AGPAT4: variants seen among roughly 807,000 people sequenced by gnomAD.
AGPAT4 encodes 1-acylglycerol-3-phosphate O-acyltransferase 4.
A neutral mutation model predicts 48.0 loss-of-function variants in AGPAT4; 15 were observed. The observed-to-expected ratio is 0.31, with a 90% CI of 0.21 to 0.48. AGPAT4 has a LOEUF of 0.48. Ranked by LOEUF, AGPAT4 falls within the 20% of genes least tolerant of loss-of-function variation. AGPAT4 has a pLI of 0.99. For synonymous variants in AGPAT4, 178 were observed against 198.7 expected, an observed-to-expected ratio of 0.90 and a Z score of 0.88; for missense variants, 314 against 482.5, an observed-to-expected ratio of 0.65 and a Z score of 3.27.
intron 2 of AGPAT4, among the ~76,000 whole-genome samples, chr6:161,187,784 T>C (rs1321427271): frequency 6.6e-6 from 1 of 152,198 alleles, no homozygotes; most frequent in African/African-American, 2.4e-5. Context: ...TCTCAAGTGA[T>C]CTGCCCAACT....
intron 3 of AGPAT4, chr6:161,160,407 T>C (rs527697521): frequency 1.6e-4 from 25 of 154,498 alleles, no homozygotes; most frequent in Non-Finnish European, 3.0e-4. Context: ...TGTTCCACAA[T>C]TAGTCACAGC....
rs1782585651 is a variant in AGPAT4 at position 161,244,245 on chromosome 6, C to A, written c.-89-11943G>T. ...ACAGGTAGGTCACAGTGCCGTCTGC[C>A]TCCCGCAAAGAAGCAGGAAGTCTTC... On this transcript the variant is annotated intron_variant, in intron 1 of 8. Transcript: ENST00000320285. The surrounding 1 kb of genome is among the most constrained non-coding windows in gnomAD (Gnocchi z 4.7). Among the ~76,000 whole-genome samples, 1 of 152,160 alleles carries A rather than the reference C, an allele frequency of 6.6e-6. No homozygotes were observed. The highest frequency in any genetic ancestry group is 3.2e-3 in the Middle Eastern group (1 of 316).
At position 161,262,760 on chromosome 6, in the gene AGPAT4, T is replaced by A. The variant is rs1440947965; in HGVS notation, c.-90+11178A>T. ...TTGGGTAGCTTCTTGGGACTTGAAC[T>A]GGTACATTTCACACGCCTCTTTTGT... On this transcript the variant is annotated intron_variant, in intron 1 of 8. Transcript: ENST00000320285. This position sits in a 1 kb window ranked among gnomAD's most constrained non-coding sequence, Gnocchi z 4.9. Among the ~76,000 whole-genome samples, 1 of 152,182 alleles carries A rather than the reference T, an allele frequency of 6.6e-6. No homozygotes were observed. The highest frequency in any genetic ancestry group is 1.5e-5 in the Non-Finnish European group (1 of 68,030).
intron 2 of AGPAT4, among the ~76,000 whole-genome samples, chr6:161,199,758 G>A (rs903850302): frequency 2.0e-5 from 3 of 152,260 alleles, no homozygotes; most frequent in Admixed American, 6.5e-5. Flanking sequence ...CTCCGGCCAC[G>A]TAAAGATGTG....
intron 2 of AGPAT4, among the ~76,000 whole-genome samples, chr6:161,190,164 T>C (rs781435363): frequency 2.6e-5 from 4 of 152,198 alleles, no homozygotes; most frequent in Non-Finnish European, 4.4e-5. Flanking sequence ...GGGATTTTTA[T>C]GGCAGTGACG....
Position 161,146,723 on chromosome 6 carries a change from G to A in AGPAT4, c.768-124C>T. On this transcript the variant is annotated intron_variant, in intron 6 of 8. Transcript: ENST00000320285. This position sits in a 1 kb window ranked among gnomAD's most constrained non-coding sequence, Gnocchi z 7.1. The stretch of plus-strand genomic sequence containing the variant: ...CACCTAAATAATGTGGAACTGAAGA[G>A]AGTAATGCAAGTGATAGAAAGAAGG... The A allele has an allele frequency of 1.2e-6, 1 of 828,322 alleles. No homozygotes were observed. Among genetic ancestry groups the A allele is most frequent in the Non-Finnish European group, 2.0e-6 (1 of 512,246 alleles). 51.3% of individuals were successfully genotyped at this position (828,322 alleles called of 1,614,324 possible). A position where few individuals can be genotyped will look rare whatever the true frequency, so the allele number is the denominator to read the frequency against.
At position 161,217,151 on chromosome 6, in the gene AGPAT4, A is replaced by C. The variant is rs926193029; in HGVS notation, c.178+14885T>G. On this transcript the variant is annotated intron_variant, in intron 2 of 8. Coordinates refer to ENST00000320285, the MANE Select transcript of AGPAT4 (RefSeq NM_020133.3). The surrounding 1 kb of genome is among the most constrained non-coding windows in gnomAD (Gnocchi z 4.9). ...GACAGTGGAGAAGGCAAGCCAGGGGAGGGGCGGAGTGAGCACAGGCGTGGG... is the reference window on the plus strand; with the variant it reads ...GACAGTGGAGAAGGCAAGCCAGGGGCGGGGCGGAGTGAGCACAGGCGTGGG... Among the ~76,000 whole-genome samples the C allele has an allele frequency of 2.0e-5, 3 of 152,186 alleles. No individual in the cohort carries two copies. The highest frequency in any genetic ancestry group is 3.2e-3 in the Middle Eastern group (1 of 316).
chr6:161,241,331 G>T (rs1475015036), intron 1 of AGPAT4, among the ~76,000 whole-genome samples: 1 of 150,078 alleles, frequency 6.7e-6, no homozygotes, highest in African/African-American at 2.4e-5. Context: ...CAAAATTCAT[G>T]TATTTTAAAA....
intron 2 of AGPAT4, among the ~76,000 whole-genome samples, chr6:161,228,136 A>G (rs1410200795): frequency 3.3e-5 from 5 of 152,218 alleles, no homozygotes; most frequent in Non-Finnish European, 5.9e-5. Flanking sequence ...ATGTGCTTTA[A>G]GGAATTTCTA....
chr6:161,228,608 A>T (rs1317700020), intron 2 of AGPAT4, among the ~76,000 whole-genome samples: 3 of 130,770 alleles, frequency 2.3e-5, no homozygotes, highest in Non-Finnish European at 4.7e-5. Flanking sequence ...CCTGACATTA[A>T]TAGATTCTCC....
intron 2 of AGPAT4, among the ~76,000 whole-genome samples, chr6:161,210,189 A>G (rs925644648): frequency 3.9e-5 from 6 of 152,176 alleles, no homozygotes; most frequent in African/African-American, 1.2e-4. Flanking sequence ...ATACAATCCT[A>G]TGATAGATTT....
chr6:161,146,672 C>A lies in AGPAT4; in HGVS notation c.768-73G>T. On this transcript the variant is annotated intron_variant, in intron 6 of 8. Transcript: ENST00000320285. This position sits in a 1 kb window ranked among gnomAD's most constrained non-coding sequence, Gnocchi z 7.1. ...CAACATACAGTTTCCAGTAACGGTGCTGCCGTTTTTTGTTTTTATCTGGGT... is the reference window on the plus strand; with the variant it reads ...CAACATACAGTTTCCAGTAACGGTGATGCCGTTTTTTGTTTTTATCTGGGT... 6.8e-7 allele frequency: 1 copy of A among 1,463,570 alleles called. No individual in the cohort carries two copies. Among genetic ancestry groups the A allele is most frequent in the Non-Finnish European group, 9.5e-7 (1 of 1,049,496 alleles). The allele number at this position is 1,463,570 out of a possible 1,614,324, so 90.7% of individuals were successfully genotyped here.
rs1288356933 is a variant in AGPAT4, at chr6:161,216,848, C to G, written c.178+15188G>C. Among the ~76,000 whole-genome samples the G allele has an allele frequency of 6.6e-6, 1 of 152,152 alleles. No homozygotes were observed. Among genetic ancestry groups the G allele is most frequent in the African/African-American group, 2.4e-5 (1 of 41,450 alleles). ...GGCCCTCATGATTCAACTACCTCCT[C>G]TTAGGTCCCTCCCACAATACGTGGG... On this transcript the variant is annotated intron_variant, in intron 2 of 8. Transcript: ENST00000320285. This position sits in a 1 kb window ranked among gnomAD's most constrained non-coding sequence, Gnocchi z 4.8.
In AGPAT4 at chr6:161,272,301, CG is replaced by C. The variant is rs556416249; in HGVS notation, c.-90+1636del. On this transcript the variant is annotated intron_variant, in intron 1 of 8. Coordinates refer to ENST00000320285, the MANE Select transcript of AGPAT4 (RefSeq NM_020133.3). The surrounding 1 kb of genome is among the most constrained non-coding windows in gnomAD (Gnocchi z 4.2). Reference sequence around the variant, plus strand: ...AAGTAATGATTTTGGCTTTAGCAGCCGGAAGGTATGAGGGCTAAGTGACCTT... The same window carrying C: ...AAGTAATGATTTTGGCTTTAGCAGCCGAAGGTATGAGGGCTAAGTGACCTT... Among the ~76,000 whole-genome samples the C allele has an allele frequency of 1.1e-4, 17 of 152,168 alleles. No homozygotes were observed. Among genetic ancestry groups the C allele is most frequent in the Non-Finnish European group, 1.8e-4 (12 of 68,008 alleles).
Position 161,147,323 on chromosome 6 carries a change from G to A in AGPAT4, c.768-724C>T, listed in dbSNP as rs183194500. Among the ~76,000 whole-genome samples the A allele has an allele frequency of 0.014, 2,165 of 152,252 alleles. 46 individuals are homozygous for A. Among genetic ancestry groups the A allele is most frequent in the African/African-American group, 0.049 (2,032 of 41,548 alleles). ...TTGCAAAGAGCCCATACTGAACACAGGGAGAAGTCACTCTGCCACCTTTGC... is the reference window on the plus strand; with the variant it reads ...TTGCAAAGAGCCCATACTGAACACAAGGAGAAGTCACTCTGCCACCTTTGC... On this transcript the variant is annotated intron_variant, in intron 6 of 8. Coordinates refer to ENST00000320285, the MANE Select transcript of AGPAT4 (RefSeq NM_020133.3). The surrounding 1 kb of genome is among the most constrained non-coding windows in gnomAD (Gnocchi z 4.8).
At position 161,243,730 on chromosome 6, in the gene AGPAT4, C is replaced by T. The variant is rs1348503447; in HGVS notation, c.-89-11428G>A. ...TCTCCTCCTTCCCTTGACCCCTTCT[C>T]CCTGGCCCCCAACCATCACCAGCTT... is the stretch of plus-strand genomic sequence containing the variant. On this transcript the variant is annotated intron_variant, in intron 1 of 8. Coordinates refer to ENST00000320285, the MANE Select transcript of AGPAT4 (RefSeq NM_020133.3). The surrounding 1 kb of genome is among the most constrained non-coding windows in gnomAD (Gnocchi z 4.8). 6.6e-6 allele frequency among the ~76,000 whole-genome samples: 1 copy of T among 152,200 alleles called. No homozygotes were observed. Among genetic ancestry groups the T allele is most frequent in the African/African-American group, 2.4e-5 (1 of 41,456 alleles).
At chr6:161,153,582 C>A in intron 4 of AGPAT4, 83 bp from the exon 5 acceptor site, 1 of 1,514,666 alleles carries the variant, frequency 6.6e-7, no homozygotes, top group Non-Finnish European at 9.0e-7. Context: ...GGGTCACACA[C>A]AGCCCCAGGG....
In AGPAT4 at chr6:161,196,663, G is replaced by T. The variant is rs553529534; in HGVS notation, c.179-30246C>A. ...TCTCTACCAAAAATACAAAAAATTAGCCTGGTGTGATGGTTTGCAGCTGTA... is the reference window on the plus strand; with the variant it reads ...TCTCTACCAAAAATACAAAAAATTATCCTGGTGTGATGGTTTGCAGCTGTA... On this transcript the variant is annotated intron_variant, in intron 2 of 8. Transcript: ENST00000320285. The surrounding 1 kb of genome is among the most constrained non-coding windows in gnomAD (Gnocchi z 4.3). Among the ~76,000 whole-genome samples the T allele has an allele frequency of 1.3e-5, 2 of 152,024 alleles. No homozygotes were observed. The highest frequency in any genetic ancestry group is 3.9e-4 in the East Asian group (2 of 5,154).
In AGPAT4 at chr6:161,229,770, G is replaced by A. The variant is rs1212177497; in HGVS notation, c.178+2266C>T. On this transcript the variant is annotated intron_variant, in intron 2 of 8. Transcript: ENST00000320285. This position sits in a 1 kb window ranked among gnomAD's most constrained non-coding sequence, Gnocchi z 6.0. ...GGGAGGAATCTTCCCTTCCCGCTTC[G>A]GATTGTTTAAAAATGCTTCCACTAT... is the stretch of plus-strand genomic sequence containing the variant. 1.3e-5 allele frequency among the ~76,000 whole-genome samples: 2 copies of A among 152,038 alleles called. No homozygotes were observed. The highest frequency in any genetic ancestry group is 1.9e-4 in the East Asian group (1 of 5,170).
Sources: gnomAD v4.1 joint callset for allele counts (sites outside exome capture counted in the v4.1 genomes callset) on GRCh38, gnomAD v4.1.1 for gene constraint, Gnocchi (gnomAD v3.1) non-coding constraint, MANE v1.5 for transcripts, NCBI Gene and HGNC (gene_info 2026-07-23, HGNC 2026-07-21) for gene names.